The following CDC42BPA variants were observed in gnomAD, a reference collection of about 807,000 sequenced individuals.
CDC42BPA encodes the protein serine/threonine-protein kinase MRCK alpha.
A neutral mutation model predicts 223.5 loss-of-function variants in CDC42BPA; 80 were observed. That is an observed-to-expected ratio of 0.36 (90% CI 0.30 to 0.43). The LOEUF (loss-of-function observed/expected upper bound fraction) is 0.43. Ranked by LOEUF, CDC42BPA falls within the 20% of genes least tolerant of loss-of-function variation. CDC42BPA has a pLI of 1.00. For missense variants in CDC42BPA, 1,743 were observed against 2,099.9 expected, an observed-to-expected ratio of 0.83 and a Z score of 3.32; for synonymous variants, 694 against 718.6, an observed-to-expected ratio of 0.97 and a Z score of 0.55.
intron 22 of CDC42BPA, among the ~76,000 whole-genome samples, chr1:227,049,858 A>T (rs1308838712): frequency 1.3e-5 from 2 of 152,192 alleles, no homozygotes; most frequent in Non-Finnish European, 2.9e-5. Flanking sequence ...ATAACAATAT[A>T]TATCAGTTTG....
intron 5 of CDC42BPA, among the ~76,000 whole-genome samples, chr1:227,167,466 C>G (rs1403578329): frequency 1.3e-5 from 2 of 152,156 alleles, no homozygotes; most frequent in Non-Finnish European, 2.9e-5. Flanking sequence ...GTTATTCTCC[C>G]AACTATACCA....
rs1334757910 is a variant in CDC42BPA, at chr1:227,145,790, T to C, written c.895-53A>G. On this transcript the variant is annotated intron_variant, in intron 7 of 36. Transcript: ENST00000366766. ...ATAAATCAGTGTTTAACATACTAAG[T>C]AGTTGGTTGACTTATTTATTTTCTT... 7.8e-6 allele frequency: 11 copies of C among 1,412,536 alleles called. No homozygotes were observed. In the African/African-American group the frequency reaches 1.4e-4, roughly 19 times the overall value. The allele number at this position is 1,412,536 out of a possible 1,614,324, so 87.5% of individuals were successfully genotyped here.
intron 21 of CDC42BPA, among the ~76,000 whole-genome samples, chr1:227,063,157 GAA>G (rs1295821510): frequency 6.6e-6 from 1 of 152,028 alleles, no homozygotes; most frequent in Non-Finnish European, 1.5e-5. Flanking sequence ...TGAGTTAGAG[GAA>G]AACACACCCA....
At chr1:227,185,749 A>G (rs10799400) in intron 5 of CDC42BPA, among the ~76,000 whole-genome samples, 103,419 of 143,656 alleles carry the variant, frequency 0.72, 35,520 homozygotes, top group Middle Eastern at 0.76. Context: ...ACGTGTGTCC[A>G]TGTCGTTTTT....
chr1:227,316,655 A>C (rs1694449830), intron 1 of CDC42BPA, among the ~76,000 whole-genome samples: 1 of 152,214 alleles, frequency 6.6e-6, no homozygotes, highest in African/African-American at 2.4e-5. Context: ...AATACCTTTC[A>C]AATGAAGGAC....
In CDC42BPA at chr1:227,129,110, T is replaced by G. The variant is rs1365089339; in HGVS notation, c.1512A>C (p.Thr504=). The G allele has an allele frequency of 7.1e-7, 1 of 1,414,810 alleles. No homozygotes were observed. Among genetic ancestry groups the G allele is most frequent in the Non-Finnish European group, 9.9e-7 (1 of 1,014,226 alleles). The allele number at this position is 1,414,810 out of a possible 1,614,324, so 87.6% of individuals were successfully genotyped here. A position where few individuals can be genotyped will look rare whatever the true frequency, so the allele number is the denominator to read the frequency against. ...TAACAGTGAATCACAGATATTTACC[T>G]GTTACTTGTTTTCTTAGTTTTTCAA... is the stretch of plus-strand genomic sequence containing the variant. ...EEIEKLRKQV[T]ESSHLEQQLE... Residue 504 remains threonine (T), a splice_region_variant and synonymous_variant, in exon 11 of 37, where the codon ACA becomes ACC. Transcript: ENST00000366766.
chr1:227,316,480 G>T (rs1694412015), intron 1 of CDC42BPA, among the ~76,000 whole-genome samples: 1 of 152,062 alleles, frequency 6.6e-6, no homozygotes, highest in South Asian at 2.1e-4. Flanking sequence ...ATAATTTTTG[G>T]AAAGTCCATG....
In CDC42BPA at chr1:227,016,966, G is replaced by C; in HGVS notation, c.4700C>G (p.Ser1567Cys). Reference protein sequence around the residue: ...VRNINNKRRYSFRVPEEERMQ... With the variant: ...VRNINNKRRYCFRVPEEERMQ... ...CCTTTCCTCTTCTGGGACTCTGAAG[G>C]AATAACGCCGCTTATTGTTAATGTT... Residue 1567 changes from serine to cysteine, a missense_variant, in exon 33 of 37, where the codon TCC becomes TGC. Coordinates refer to ENST00000366766, the MANE Select transcript of CDC42BPA (RefSeq NM_001394014.1). 1 of 1,613,028 alleles carries C rather than the reference G, an allele frequency of 6.2e-7. No individual in the cohort carries two copies. Among genetic ancestry groups the C allele is most frequent in the Non-Finnish European group, 8.5e-7 (1 of 1,179,422 alleles).
chr1:227,169,352 T>C (rs1665705397), intron 5 of CDC42BPA, among the ~76,000 whole-genome samples: 1 of 152,198 alleles, frequency 6.6e-6, no homozygotes. Context: ...ACATAATAAA[T>C]GTTAAATTTC....
chr1:227,026,104 A>G lies in CDC42BPA; in HGVS notation c.4481T>C (p.Ile1494Thr). ...CCATTCCATGGAGTTCACATCAAAG[A>G]TATCAACTGCATTTTCACTGTACAC... is the stretch of plus-strand genomic sequence containing the variant. ...LSVYSENAVDIFDVNSMEWIQ... is the reference protein window; with the variant it reads ...LSVYSENAVDTFDVNSMEWIQ... The change falls in exon 31 of 37, where the codon ATC (isoleucine) becomes ACC (threonine). Residue 1494 changes from isoleucine (I) to threonine (T), a missense_variant. Ile to Thr is a moderately conservative substitution (Grantham distance 89). Around this residue, in one of 6 missense-constraint regions of CDC42BPA, gnomAD observed 678 missense variants for 777.5 expected, o/e 0.87. Transcript: ENST00000366766. 6.2e-7 allele frequency: 1 copy of G among 1,608,830 alleles called. No homozygotes were observed.
At chr1:227,267,147 A>G (rs1685146538) in intron 1 of CDC42BPA, among the ~76,000 whole-genome samples, 1 of 152,222 alleles carries the variant, frequency 6.6e-6, no homozygotes, top group Non-Finnish European at 1.5e-5. Flanking sequence ...TAATTTATGC[A>G]TTTTTATAAC....
chr1:227,161,760 C>T (rs1185353471), intron 5 of CDC42BPA, among the ~76,000 whole-genome samples: 3 of 152,204 alleles, frequency 2.0e-5, no homozygotes, highest in Admixed American at 6.5e-5. Context: ...AAGTGAGTAG[C>T]TGTGACACAG....
chr1:227,044,640 G>T (rs1000082457), intron 23 of CDC42BPA, among the ~76,000 whole-genome samples: 1 of 152,082 alleles, frequency 6.6e-6, no homozygotes, highest in Non-Finnish European at 1.5e-5. Context: ...ACAGTTTTTT[G>T]ATTTGAGACG....
At chr1:227,281,713 C>CA (rs1486753558) in intron 1 of CDC42BPA, among the ~76,000 whole-genome samples, 1 of 152,138 alleles carries the variant, frequency 6.6e-6, no homozygotes, top group Non-Finnish European at 1.5e-5. Context: ...TGCTCCAACT[C>CA]AGACAATTAA....
chr1:227,238,660 C>T (rs571370322), intron 2 of CDC42BPA, among the ~76,000 whole-genome samples: 1 of 152,136 alleles, frequency 6.6e-6, no homozygotes, highest in South Asian at 2.1e-4. Context: ...AAATATAAAA[C>T]CTAACTATAT....
At chr1:227,220,544 G>C (rs947843265) in intron 2 of CDC42BPA, among the ~76,000 whole-genome samples, 1 of 151,672 alleles carries the variant, frequency 6.6e-6, no homozygotes, top group African/African-American at 2.4e-5. Context: ...AATGTCCTGT[G>C]CCACCCTGCC....
chr1:227,205,047 T>A (rs1672419343), intron 3 of CDC42BPA, among the ~76,000 whole-genome samples: 1 of 151,632 alleles, frequency 6.6e-6, no homozygotes, highest in Admixed American at 6.6e-5. Context: ...TCACCTGAGG[T>A]TAGGAGTTCA....
intron 1 of CDC42BPA, among the ~76,000 whole-genome samples, chr1:227,310,765 C>A (rs540514367): frequency 6.9e-6 from 1 of 144,298 alleles, no homozygotes; most frequent in Non-Finnish European, 1.5e-5. Flanking sequence ...CGGCTCACTG[C>A]AAGCTCTGAC....
At chr1:227,237,019 G>A (rs573255717) in intron 2 of CDC42BPA, among the ~76,000 whole-genome samples, 6 of 117,450 alleles carry the variant, frequency 5.1e-5, no homozygotes, top group East Asian at 2.9e-4. Flanking sequence ...CTCCAGCCTC[G>A]ATGACAGAAT....
Sources: allele counts gnomAD v4.1 joint callset (sites outside exome capture counted in the v4.1 genomes callset), GRCh38; gene constraint gnomAD v4.1.1; regional missense constraint gnomAD v4.1.1; transcripts MANE v1.5; gene names NCBI Gene and HGNC (gene_info 2026-07-23, HGNC 2026-07-21).